FAM120B: variants seen among roughly 807,000 people sequenced by gnomAD.
The protein encoded by FAM120B is constitutive coactivator of peroxisome proliferator-activated receptor gamma.
Under a neutral mutation model 96.3 loss-of-function variants are expected in FAM120B, and 83 were observed. The ratio of observed to expected loss-of-function variants is 0.86; its 90% CI spans 0.72 to 1.03. The LOEUF (loss-of-function observed/expected upper bound fraction) is 1.03. Ranked by LOEUF, FAM120B falls within the 50% of genes least tolerant of loss-of-function variation. The pLI, the probability that FAM120B is intolerant of heterozygous loss-of-function variation, is 0.00. For missense variants in FAM120B, 1,027 were observed against 1,121.2 expected (o/e 0.92, Z 1.20); for synonymous variants, 407 against 402.7 (o/e 1.01, Z -0.13).
At chr6:170,377,326 C>T (rs1207798369) in intron 6 of FAM120B, among the ~76,000 whole-genome samples, 2 of 141,098 alleles carry the variant, frequency 1.4e-5, no homozygotes, top group Non-Finnish European at 3.1e-5. Context: ...CACAGGCTCA[C>T]GCTGCTCGGT....
At chr6:170,329,361 G>A (rs1163637506) in intron 3 of FAM120B, among the ~76,000 whole-genome samples, 2 of 152,208 alleles carry the variant, frequency 1.3e-5, no homozygotes, top group African/African-American at 2.4e-5. Flanking sequence ...ATCTGGCACT[G>A]CCCATTGTCC....
intron 5 of FAM120B, 37 bp downstream of exon 5, chr6:170,348,360 G>A (rs1787351869): frequency 3.1e-6 from 5 of 1,594,532 alleles, no homozygotes; most frequent in Non-Finnish European, 4.3e-6. Context: ...ACTGCAGCCT[G>A]CGCTTACTTT....
At chr6:170,375,955 G>A (rs1478002063) in intron 6 of FAM120B, among the ~76,000 whole-genome samples, 1 of 152,194 alleles carries the variant, frequency 6.6e-6, no homozygotes, top group Non-Finnish European at 1.5e-5. Flanking sequence ...TCCCTGGGGT[G>A]TTTGGGAGCC....
intron 1 of FAM120B, among the ~76,000 whole-genome samples, chr6:170,310,425 A>G (rs891258290): frequency 5.9e-5 from 9 of 152,242 alleles, no homozygotes; most frequent in Non-Finnish European, 8.8e-5. Flanking sequence ...CCCTTGCCCC[A>G]CTGGCAGCAC....
chr6:170,316,063 A>T (rs906980437), intron 1 of FAM120B, among the ~76,000 whole-genome samples: 1 of 116,048 alleles, frequency 8.6e-6, no homozygotes, highest in Admixed American at 8.8e-5. Context: ...GGTCTCAAAA[A>T]AAAAAAAAAA....
At chr6:170,307,032 C>G (rs567552504) in intron 1 of FAM120B, among the ~76,000 whole-genome samples, 190 bp downstream of exon 1, 1 of 152,330 alleles carries the variant, frequency 6.6e-6, no homozygotes, top group South Asian at 2.1e-4. Context: ...GTCCCCGCTG[C>G]CGAGCCCGTC....
intron 5 of FAM120B, among the ~76,000 whole-genome samples, chr6:170,353,412 C>T (rs568368937): frequency 1.3e-5 from 2 of 152,208 alleles, no homozygotes; most frequent in Non-Finnish European, 2.9e-5. Flanking sequence ...AGTCCAGCAT[C>T]ATCCTGATAC....
chr6:170,380,898 G>A (rs1312288696), intron 6 of FAM120B, among the ~76,000 whole-genome samples: 1 of 152,142 alleles, frequency 6.6e-6, no homozygotes, highest in East Asian at 1.9e-4. Flanking sequence ...CTGAGCCTTG[G>A]GGGGTCACAC....
At chr6:170,359,950 G>T (rs1788232431) in intron 6 of FAM120B, among the ~76,000 whole-genome samples, 1 of 152,138 alleles carries the variant, frequency 6.6e-6, no homozygotes, top group Non-Finnish European at 1.5e-5. Context: ...ACGCCGAGCG[G>T]CAGCCCTGGC....
chr6:170,324,450 T>G (rs992204164), intron 3 of FAM120B, among the ~76,000 whole-genome samples: 55 of 152,350 alleles, frequency 3.6e-4, no homozygotes, highest in African/African-American at 1.3e-3. Flanking sequence ...TTTTTTAAAA[T>G]TTCTGTTTCT....
intron 1 of FAM120B, among the ~76,000 whole-genome samples, chr6:170,311,185 G>A (rs1784569099): frequency 6.6e-6 from 1 of 152,202 alleles, no homozygotes; most frequent in African/African-American, 2.4e-5. Flanking sequence ...CAGAACATAC[G>A]CAGAGCAGTG....
intron 8 of FAM120B, among the ~76,000 whole-genome samples, chr6:170,393,628 C>CA (rs1299959337): frequency 1.3e-5 from 2 of 152,024 alleles, no homozygotes; most frequent in Non-Finnish European, 2.9e-5. Flanking sequence ...TTTTTGTTCT[C>CA]AAAGTAATTT....
upstream of FAM120B, among the ~76,000 whole-genome samples, chr6:170,295,108 A>G (rs1161979769): frequency 2.6e-5 from 4 of 152,212 alleles, no homozygotes; most frequent in Non-Finnish European, 5.9e-5. The surrounding 1 kb of genome is among the most constrained non-coding windows in gnomAD (Gnocchi z 7.8). Context: ...TAGCAGAGGA[A>G]TGGACCTGCT....
intron 9 of FAM120B, among the ~76,000 whole-genome samples, chr6:170,397,891 T>G (rs1393134319): frequency 6.6e-6 from 1 of 152,214 alleles, no homozygotes; most frequent in African/African-American, 2.4e-5. Flanking sequence ...ACAGCCTCTC[T>G]TTCGGGCAGA....
intron 2 of FAM120B, among the ~76,000 whole-genome samples, chr6:170,321,071 A>T (rs1182378418): frequency 1.3e-5 from 2 of 152,186 alleles, no homozygotes; most frequent in Non-Finnish European, 2.9e-5. Flanking sequence ...AGGGTCAAGG[A>T]GAGTCCTCAC....
chr6:170,354,546 GAACTT>G (rs979691895), intron 5 of FAM120B, among the ~76,000 whole-genome samples: 17 of 151,982 alleles, frequency 1.1e-4, no homozygotes, highest in African/African-American at 3.9e-4. Flanking sequence ...AGTCTACAAA[GAACTT>G]AAACAGATTT....
chr6:170,379,773 G>A (rs911278594), intron 6 of FAM120B, among the ~76,000 whole-genome samples: 2 of 152,182 alleles, frequency 1.3e-5, no homozygotes, highest in Non-Finnish European at 2.9e-5. Context: ...TCCTCAGGCT[G>A]CCATAAAGAT....
rs572705647 is a variant in FAM120B at position 170,405,744 on chromosome 6, C to T, written c.*993C>T. 2.0e-5 allele frequency: 3 copies of T among 152,330 alleles called. No homozygotes were observed. Among genetic ancestry groups the T allele is most frequent in the Admixed American group, 1.3e-4 (2 of 15,300 alleles). 9.4% of individuals were successfully genotyped at this position (152,330 alleles called of 1,614,324 possible). ...AGTTAATTCTGCCTGGAGGGTTCTG[C>T]CTGGGAGACATGACAGCATGTGTGT... On this transcript the variant is annotated 3_prime_UTR_variant, in exon 11 of 11. Transcript: ENST00000476287.
chr6:170,364,007 A>T lies in FAM120B; in HGVS notation c.2283+5689A>T, dbSNP rs2115216177. ...ATCAGCCTCCCACAGTGCTGGGATTACAGTCATGAGCAGCCACGCCCAGCC... is the reference window on the plus strand; with the variant it reads ...ATCAGCCTCCCACAGTGCTGGGATTTCAGTCATGAGCAGCCACGCCCAGCC... On this transcript the variant is annotated intron_variant, in intron 6 of 10. Coordinates refer to ENST00000476287, the MANE Select transcript of FAM120B (RefSeq NM_032448.3). Among the ~76,000 whole-genome samples, 2 of 152,322 alleles carry T rather than the reference A, an allele frequency of 1.3e-5. 1 individual carries two copies. Among genetic ancestry groups the T allele is most frequent in the South Asian group, 4.2e-4 (2 of 4,812 alleles).
Sources: allele counts gnomAD v4.1 joint callset (sites outside exome capture counted in the v4.1 genomes callset), GRCh38; gene constraint gnomAD v4.1.1; non-coding constraint Gnocchi (gnomAD v3.1); transcripts MANE v1.5; gene names NCBI Gene and HGNC (gene_info 2026-07-23, HGNC 2026-07-21).